The following PDZD2 variants were observed in gnomAD, a reference collection of about 807,000 sequenced individuals.
PDZD2 encodes PDZ domain-containing protein 2.
In PDZD2, 90 loss-of-function variants were observed where a neutral mutation model predicts 220.7. The observed-to-expected ratio is 0.41, with a 90% CI of 0.34 to 0.49. PDZD2 has a LOEUF of 0.49. Among genes scored for constraint, PDZD2 ranks in the 20% least tolerant of loss-of-function variants. The pLI is 0.28. For synonymous variants in PDZD2, 1,375 were observed against 1,450.5 expected, an observed-to-expected ratio of 0.95 and a Z score of 1.18; for missense variants, 3,174 against 3,608.5, an observed-to-expected ratio of 0.88 and a Z score of 3.08.
At chr5:31,959,520 A>G (rs1418399873) in intron 2 of PDZD2, among the ~76,000 whole-genome samples, 1 of 151,596 alleles carries the variant, frequency 6.6e-6, no homozygotes, top group Non-Finnish European at 1.5e-5. Flanking sequence ...CACCACTCCC[A>G]GTTAATTTTT....
Position 31,771,618 on chromosome 5 carries a change from C to A in PDZD2, c.-360-27271C>A, listed in dbSNP as rs1233087216. Among the ~76,000 whole-genome samples, 4 of 152,168 alleles carry A rather than the reference C, an allele frequency of 2.6e-5. No homozygotes were observed. In the East Asian group the frequency reaches 7.7e-4, roughly 29 times the overall value. On this transcript the variant is annotated intron_variant, in intron 1 of 24. Coordinates refer to ENST00000438447, the MANE Select transcript of PDZD2 (RefSeq NM_178140.4). Reference sequence around the variant, plus strand: ...GGAGGCCAGTGTAGGTACTGAAGCCCAGACCCAAATTGAAAACAATCACTT... The same window carrying A: ...GGAGGCCAGTGTAGGTACTGAAGCCAAGACCCAAATTGAAAACAATCACTT...
intron 2 of PDZD2, among the ~76,000 whole-genome samples, chr5:31,971,699 C>A (rs1461005139): frequency 6.6e-6 from 1 of 152,166 alleles, no homozygotes; most frequent in African/African-American, 2.4e-5. Context: ...CTAACCTATT[C>A]CCAACACAGA....
At chr5:31,824,293 G>C (rs1421343300) in intron 2 of PDZD2, among the ~76,000 whole-genome samples, 1 of 152,038 alleles carries the variant, frequency 6.6e-6, no homozygotes, top group Non-Finnish European at 1.5e-5. Flanking sequence ...CTAATAAATG[G>C]GTATTGCTCC....
intron 14 of PDZD2, among the ~76,000 whole-genome samples, chr5:32,063,039 T>C (rs145086697): frequency 0.01 from 1,491 of 148,474 alleles, 10 homozygotes; most frequent in African/African-American, 0.023. Flanking sequence ...ATTATTATTA[T>C]TATTATTATT....
At position 31,870,332 on chromosome 5, in the gene PDZD2, GTC is replaced by G. The variant is rs202111619; in HGVS notation, c.476+70612_476+70613del. Among the ~76,000 whole-genome samples, 13 of 152,270 alleles carry G rather than the reference GTC, an allele frequency of 8.5e-5. No homozygotes were observed. The East Asian group carries it at 1.5e-3, about 18-fold the overall frequency. On this transcript the variant is annotated intron_variant, in intron 2 of 24. Transcript: ENST00000438447. Reference sequence around the variant, plus strand: ...AATGAGACAGTTGCCTTATATTTAAGTCTCTATAAATTTTCTCACACTGTGGG... The same window carrying G: ...AATGAGACAGTTGCCTTATATTTAAGTCTATAAATTTTCTCACACTGTGGG...
intron 1 of PDZD2, among the ~76,000 whole-genome samples, chr5:31,694,237 CA>C (rs998755891): frequency 3.3e-4 from 50 of 152,074 alleles, no homozygotes; most frequent in African/African-American, 1.1e-3. Context: ...ACTAAAAATA[CA>C]AAAATTAGCC....
rs1400896246 is a variant in PDZD2, at chr5:31,849,859, CATATATATATACATATAT to C, written c.476+50149_476+50166del. Among the ~76,000 whole-genome samples the C allele has an allele frequency of 3.3e-5, 3 of 91,462 alleles. No individual in the cohort carries two copies. In the East Asian group the frequency reaches 9.7e-4, roughly 30 times the overall value. 60.0% of individuals were successfully genotyped at this position (91,462 alleles called of 152,430 possible). A position where few individuals can be genotyped will look rare whatever the true frequency, so the allele number is the denominator to read the frequency against. On this transcript the variant is annotated intron_variant, in intron 2 of 24. Transcript: ENST00000438447. ...ACTCCATCTCTCTCTCTCTCTCTCT[CATATATATATACATATAT>C]ATATATATATACACATATATATATA...
At chr5:31,725,946 C>T (rs990934293) in intron 1 of PDZD2, 15 of 641,676 alleles carry the variant, frequency 2.3e-5, no homozygotes, top group Non-Finnish European at 3.4e-5. Context: ...CACTCTCTGC[C>T]GCATGCGTAA....
intron 2 of PDZD2, among the ~76,000 whole-genome samples, chr5:31,898,325 T>G (rs10940976): frequency 0.59 from 90,185 of 152,144 alleles, 28,277 homozygotes; most frequent in Middle Eastern, 0.73. Flanking sequence ...CTTCAGGACA[T>G]TAGGAAGGAG....
intron 2 of PDZD2, among the ~76,000 whole-genome samples, chr5:31,833,390 T>C (rs952026710): frequency 2.0e-5 from 3 of 151,292 alleles, no homozygotes; most frequent in African/African-American, 7.3e-5. Flanking sequence ...ATTACTTGAG[T>C]CTGGAAGGCA....
At position 31,759,769 on chromosome 5, in the gene PDZD2, T is replaced by C. The variant is rs543705263; in HGVS notation, c.-360-39120T>C. 2.6e-5 allele frequency among the ~76,000 whole-genome samples: 4 copies of C among 152,208 alleles called. No homozygotes were observed. The East Asian group carries it at 7.7e-4, about 29-fold the overall frequency. On this transcript the variant is annotated intron_variant, in intron 1 of 24. Transcript: ENST00000438447. Reference sequence around the variant, plus strand: ...CATGTTGGCCAGGCTGGTCTCAAACTCCTGACCTCAGGCGATCCTCTCACC... The same window carrying C: ...CATGTTGGCCAGGCTGGTCTCAAACCCCTGACCTCAGGCGATCCTCTCACC...
In PDZD2 at chr5:31,816,267, G is replaced by T. The variant is rs1451168727; in HGVS notation, c.476+16543G>T. Among the ~76,000 whole-genome samples, 4 of 113,588 alleles carry T rather than the reference G, an allele frequency of 3.5e-5. No individual in the cohort carries two copies. In the East Asian group the frequency reaches 7.9e-4, roughly 22 times the overall value. The allele number at this position is 113,588 out of a possible 152,430, so 74.5% of individuals were successfully genotyped here. A position where few individuals can be genotyped will look rare whatever the true frequency, so the allele number is the denominator to read the frequency against. Reference sequence around the variant, plus strand: ...CGCGCCACTGCACTCCAGCCTGGGCGACAGAGCGAGACTCCATCTCAAAAA... The same window carrying T: ...CGCGCCACTGCACTCCAGCCTGGGCTACAGAGCGAGACTCCATCTCAAAAA... On this transcript the variant is annotated intron_variant, in intron 2 of 24. Transcript: ENST00000438447.
At chr5:32,025,385 C>G (rs569658572) in intron 6 of PDZD2, among the ~76,000 whole-genome samples, 358 of 151,638 alleles carry the variant, frequency 2.4e-3, no homozygotes, top group Non-Finnish European at 3.5e-3. Context: ...ATTAGCCGAG[C>G]GTGGTGGCAC....
At chr5:31,816,580 C>A (rs1755473466) in intron 2 of PDZD2, among the ~76,000 whole-genome samples, 1 of 152,026 alleles carries the variant, frequency 6.6e-6, no homozygotes, top group Non-Finnish European at 1.5e-5. Flanking sequence ...AAAATGTTAA[C>A]ATTTGCCAAC....
chr5:31,989,671 G>A (rs1751059108), intron 3 of PDZD2, among the ~76,000 whole-genome samples: 1 of 152,150 alleles, frequency 6.6e-6, no homozygotes, highest in African/African-American at 2.4e-5. Flanking sequence ...TGATCTGCCT[G>A]CCTCGGCCTC....
intron 2 of PDZD2, among the ~76,000 whole-genome samples, chr5:31,900,624 G>A (rs962714658): frequency 6.6e-6 from 1 of 152,200 alleles, no homozygotes; most frequent in Non-Finnish European, 1.5e-5. Flanking sequence ...AGGCCCTGCC[G>A]AGAGGCAATG....
intron 4 of PDZD2, among the ~76,000 whole-genome samples, chr5:31,999,258 G>A (rs184751426): frequency 1.4e-5 from 2 of 146,016 alleles, no homozygotes; most frequent in East Asian, 4.0e-4. Flanking sequence ...CTTTTTTTTG[G>A]GGGGGGCGGG....
At chr5:31,843,376 C>G (rs1757426717) in intron 2 of PDZD2, 1 of 151,872 alleles carries the variant, frequency 6.6e-6, no homozygotes, top group Non-Finnish European at 1.5e-5. Context: ...AAGCAGCTCT[C>G]TGCCTCAGCC....
At chr5:31,908,594 C>A in intron 2 of PDZD2, 1 of 987,666 alleles carries the variant, frequency 1.0e-6, no homozygotes, top group Non-Finnish European at 1.6e-6. Context: ...TTTCAGGAAA[C>A]TAGCTTCACC....
Sources: gnomAD v4.1 joint callset for allele counts (sites outside exome capture counted in the v4.1 genomes callset) on GRCh38, gnomAD v4.1.1 for gene constraint, MANE v1.5 for transcripts, NCBI Gene and HGNC (gene_info 2026-07-23, HGNC 2026-07-21) for gene names.